Variants in MAP4 observed in about 807,000 individuals in gnomAD.
MAP4 encodes microtubule-associated protein 4.
A neutral mutation model predicts 170.2 loss-of-function variants in MAP4; 76 were observed. The observed-to-expected ratio is 0.45, with a 90% CI of 0.37 to 0.54. MAP4 has a LOEUF of 0.54. Among genes scored for constraint, MAP4 ranks in the 20% least tolerant of loss-of-function variants. The probability of loss-of-function intolerance (pLI) is 0.00; values close to 1 mark genes in which losing one functional copy is unlikely to be tolerated. For synonymous variants in MAP4, 909 were observed against 994.5 expected, an observed-to-expected ratio of 0.91 and a Z score of 1.62; for missense variants, 2,506 against 2,748.0, an observed-to-expected ratio of 0.91 and a Z score of 1.97.
intron 1 of MAP4, among the ~76,000 whole-genome samples, chr3:48,054,321 A>G (rs971707828): frequency 9.9e-5 from 15 of 151,284 alleles, no homozygotes; most frequent in African/African-American, 3.6e-4. Flanking sequence ...ACAAAAAACA[A>G]AAACAAAAAA....
chr3:47,929,759 A>T (rs1178627653), intron 3 of MAP4, among the ~76,000 whole-genome samples: 1 of 152,102 alleles, frequency 6.6e-6, no homozygotes, highest in Non-Finnish European at 1.5e-5. Context: ...TAGACATGTC[A>T]CCAAAAGCAC....
chr3:48,009,722 A>G (rs2100104262), intron 1 of MAP4, among the ~76,000 whole-genome samples: 1 of 152,140 alleles, frequency 6.6e-6, no homozygotes, highest in African/African-American at 2.4e-5. Flanking sequence ...AGGTCCAGGA[A>G]TCGAGGGGTG....
At chr3:47,854,316 C>A (rs1288623290) in intron 19 of MAP4, among the ~76,000 whole-genome samples, 2 of 152,160 alleles carry the variant, frequency 1.3e-5, no homozygotes, top group African/African-American at 4.8e-5. Flanking sequence ...GGGGCACGAA[C>A]TGAGAGCCTG....
At chr3:47,892,885 C>A in intron 10 of MAP4, 1 of 1,001,070 alleles carries the variant, frequency 1.0e-6, no homozygotes, top group African/African-American at 1.7e-5. Context: ...CATACCCACA[C>A]ACTCATTTAT....
upstream of MAP4, among the ~76,000 whole-genome samples, chr3:48,018,101 A>G (rs1242337409): frequency 6.6e-6 from 1 of 152,224 alleles, no homozygotes; most frequent in Non-Finnish European, 1.5e-5. Context: ...CACTTATCGC[A>G]AAGTTAATGT....
intron 3 of MAP4, among the ~76,000 whole-genome samples, chr3:47,970,967 T>C (rs1001270904): frequency 6.6e-5 from 10 of 152,202 alleles, no homozygotes; most frequent in South Asian, 2.1e-4. Context: ...TAGAAAAGGA[T>C]TGTAGTCCAT....
chr3:48,065,924 G>A (rs2100138072), intron 1 of MAP4, among the ~76,000 whole-genome samples: 1 of 151,986 alleles, frequency 6.6e-6, no homozygotes, highest in African/African-American at 2.4e-5. Context: ...TTTGAGACAA[G>A]CATGGGCAAC....
chr3:48,037,098 T>C (rs757098657), intron 1 of MAP4, among the ~76,000 whole-genome samples: 11 of 152,062 alleles, frequency 7.2e-5, no homozygotes, highest in Non-Finnish European at 1.2e-4. Context: ...AGCATCAACA[T>C]GAAATAAAAT....
chr3:47,938,126 T>A (rs989374062), intron 3 of MAP4, among the ~76,000 whole-genome samples: 1 of 151,654 alleles, frequency 6.6e-6, no homozygotes, highest in African/African-American at 2.4e-5. Flanking sequence ...ATCCCAGCAC[T>A]TTGGGAAGGC....
intron 1 of MAP4, among the ~76,000 whole-genome samples, chr3:48,045,741 C>A (rs186630627): frequency 1.3e-5 from 2 of 152,306 alleles, no homozygotes; most frequent in Non-Finnish European, 2.9e-5. Flanking sequence ...CGGGGTTTCA[C>A]CCTGTTAGCC....
intron 1 of MAP4, among the ~76,000 whole-genome samples, chr3:48,060,344 T>G (rs1435830797): frequency 1.3e-5 from 2 of 151,826 alleles, no homozygotes; most frequent in Non-Finnish European, 2.9e-5. Context: ...GATTGATGGA[T>G]CATTAAAAAA....
chr3:47,881,623 A>G (rs974547776), intron 10 of MAP4, among the ~76,000 whole-genome samples: 33 of 151,034 alleles, frequency 2.2e-4, no homozygotes, highest in African/African-American at 8.0e-4. Context: ...TAGATAGCAT[A>G]TACTTGGGCA....
chr3:47,863,612 A>G (rs1391361843), intron 17 of MAP4, among the ~76,000 whole-genome samples: 3 of 151,674 alleles, frequency 2.0e-5, no homozygotes, highest in East Asian at 3.9e-4. Flanking sequence ...CTGCAGGCAC[A>G]CTCCAGGTAC....
chr3:47,928,612 C>A (rs1039994814), intron 3 of MAP4, among the ~76,000 whole-genome samples: 3 of 152,010 alleles, frequency 2.0e-5, no homozygotes, highest in African/African-American at 7.3e-5. Context: ...ATGATCACAC[C>A]TGTGAACAGC....
chr3:47,934,865 G>A (rs1469938244), intron 3 of MAP4, among the ~76,000 whole-genome samples: 1 of 152,214 alleles, frequency 6.6e-6, no homozygotes, highest in Non-Finnish European at 1.5e-5. Flanking sequence ...AGGCATTAGT[G>A]ATTCAGCAGT....
chr3:48,083,288 AC>A (rs1472878704), intron 1 of MAP4, among the ~76,000 whole-genome samples: 1 of 152,264 alleles, frequency 6.6e-6, no homozygotes, highest in African/African-American at 2.4e-5. Flanking sequence ...TACTACCTTT[AC>A]AACTCTTCTG....
upstream of MAP4, among the ~76,000 whole-genome samples, chr3:48,019,044 C>T (rs920441545): frequency 2.0e-5 from 3 of 152,116 alleles, no homozygotes; most frequent in Admixed American, 6.6e-5. Flanking sequence ...TCAAGATGGT[C>T]GACCAGTTAC....
chr3:47,891,883 C>T (rs891326450), intron 10 of MAP4: 11 of 1,535,976 alleles, frequency 7.2e-6, no homozygotes, highest in African/African-American at 2.7e-5. Context: ...CCATCTCTCC[C>T]GGAGTTGCTT....
Position 47,996,737 on chromosome 3 carries a change from GACACAC to G in MAP4, c.223+1895_223+1900del, listed in dbSNP as rs57673370. 1.2e-3 allele frequency among the ~76,000 whole-genome samples: 170 copies of G among 146,308 alleles called. 1 individual carries two copies. The highest frequency in any genetic ancestry group is 1.6e-3 in the Non-Finnish European group (109 of 66,448). On this transcript the variant is annotated intron_variant, in intron 2 of 20. Coordinates refer to ENST00000683076, the MANE Select transcript of MAP4 (RefSeq NM_001385682.1). ...GATCCAGCATTCAATCAAAAACTAAGACACACACACACACACACACACACACACACA... is the reference window on the plus strand; with the variant it reads ...GATCCAGCATTCAATCAAAAACTAAGACACACACACACACACACACACACA...
Sources: allele counts gnomAD v4.1 joint callset (sites outside exome capture counted in the v4.1 genomes callset), GRCh38; gene constraint gnomAD v4.1.1; transcripts MANE v1.5; gene names NCBI Gene and HGNC (gene_info 2026-07-23, HGNC 2026-07-21).